GLT8D2: variants seen among roughly 807,000 people sequenced by gnomAD.
The protein encoded by GLT8D2 is glycosyltransferase 8 domain-containing protein 2.
GLT8D2 carries 45 observed loss-of-function variants against 44.5 expected under a neutral mutation model. That is an observed-to-expected ratio of 1.01 (90% confidence interval 0.80 to 1.30). The LOEUF (loss-of-function observed/expected upper bound fraction) is 1.30, where lower values mean the gene tolerates loss of function less well. GLT8D2 is among the 50% of genes most tolerant of loss of function. The pLI, the probability that GLT8D2 is intolerant of heterozygous loss-of-function variation, is 0.00. For synonymous variants in GLT8D2, 156 were observed against 157.2 expected, an observed-to-expected ratio of 0.99 and a Z score of 0.06; for missense variants, 400 against 430.4, an observed-to-expected ratio of 0.93 and a Z score of 0.62.
intron 2 of GLT8D2, among the ~76,000 whole-genome samples, chr12:104,020,027 T>C (rs2629799): frequency 0.36 from 54,853 of 151,840 alleles, 10,370 homozygotes; most frequent in African/African-American, 0.46. Flanking sequence ...TCAAGCGATC[T>C]TCCTTCCTCA....
chr12:104,026,097 G>A (rs1015259665), intron 1 of GLT8D2, among the ~76,000 whole-genome samples: 1 of 151,946 alleles, frequency 6.6e-6, no homozygotes, highest in Non-Finnish European at 1.5e-5. Context: ...TGGACAATAT[G>A]GTGAAACCCC....
At chr12:104,013,469 T>C (rs184219658) in intron 4 of GLT8D2, among the ~76,000 whole-genome samples, 3 of 152,328 alleles carry the variant, frequency 2.0e-5, no homozygotes, top group African/African-American at 7.2e-5. Context: ...TACATGTGAA[T>C]TGTTTCCAGT....
chr12:103,995,768 T>C (rs903936746), intron 8 of GLT8D2, among the ~76,000 whole-genome samples: 9 of 152,224 alleles, frequency 5.9e-5, no homozygotes, highest in Non-Finnish European at 7.3e-5. Context: ...TAGACTGTTA[T>C]CATCTATAAT....
intron 1 of GLT8D2, among the ~76,000 whole-genome samples, chr12:104,021,930 GAAGAAGAAGAAGAAGA>G (rs1877790238): frequency 4.1e-5 from 1 of 24,684 alleles, no homozygotes; most frequent in African/African-American, 1.5e-4. Flanking sequence ...AGAAGAAGAA[GAAGAAGAAGAAGAAGA>G]AGAAGAAGAG....
intron 3 of GLT8D2, among the ~76,000 whole-genome samples, chr12:104,019,405 G>T (rs1279349351): frequency 1.3e-5 from 2 of 152,112 alleles, no homozygotes; most frequent in East Asian, 3.9e-4. Flanking sequence ...TAGGATTACA[G>T]GCGTGAGCCA....
At chr12:104,059,527 T>C (rs1452274053) in intron 1 of GLT8D2, among the ~76,000 whole-genome samples, 1 of 152,198 alleles carries the variant, frequency 6.6e-6, no homozygotes, top group Admixed American at 6.5e-5. Context: ...TATATTACTT[T>C]TGCTTACAAC....
At chr12:104,062,885 T>G (rs895000569) in intron 1 of GLT8D2, among the ~76,000 whole-genome samples, 15 of 152,206 alleles carry the variant, frequency 9.9e-5, no homozygotes, top group Non-Finnish European at 2.2e-4. Context: ...CAACCAGTCC[T>G]CGGCCTGTTC....
At chr12:104,062,105 T>C (rs1882704539) in intron 1 of GLT8D2, among the ~76,000 whole-genome samples, 1 of 151,926 alleles carries the variant, frequency 6.6e-6, no homozygotes, top group African/African-American at 2.4e-5. Flanking sequence ...CTGAGTTTTG[T>C]TCTTGTTGCC....
chr12:104,043,775 G>T (rs1012727389), intron 1 of GLT8D2, among the ~76,000 whole-genome samples: 1 of 152,116 alleles, frequency 6.6e-6, no homozygotes, highest in African/African-American at 2.4e-5. Context: ...CTGTGACTCC[G>T]TTTTTTAAAT....
At chr12:104,021,842 GAAGGA>G (rs1877686842) in intron 1 of GLT8D2, among the ~76,000 whole-genome samples, 1 of 72,122 alleles carries the variant, frequency 1.4e-5, no homozygotes, top group African/African-American at 5.2e-5. Flanking sequence ...AGAAAGGAAG[GAAGGA>G]GAAGGAGAAG....
At chr12:104,016,754 A>AGAAG (rs1566199514) in intron 3 of GLT8D2, among the ~76,000 whole-genome samples, 3 of 109,066 alleles carry the variant, frequency 2.8e-5, no homozygotes, top group Non-Finnish European at 5.9e-5. Flanking sequence ...AAAGAAAGAA[A>AGAAG]GAAAGAAAGA....
At chr12:103,991,558 T>C (rs796386191) in intron 10 of GLT8D2, among the ~76,000 whole-genome samples, 37 of 152,268 alleles carry the variant, frequency 2.4e-4, no homozygotes, top group African/African-American at 8.4e-4. Flanking sequence ...ACCTTATTGA[T>C]CTAAGCTCTG....
intron 1 of GLT8D2, among the ~76,000 whole-genome samples, chr12:104,036,805 A>C (rs1593564014): frequency 6.6e-6 from 1 of 152,366 alleles, no homozygotes; most frequent in East Asian, 1.9e-4. Flanking sequence ...CTCTGCACCA[A>C]GTGGACCTCA....
At chr12:104,049,711 C>A (rs1284218553) in intron 1 of GLT8D2, among the ~76,000 whole-genome samples, 184 bp downstream of exon 1, 1 of 152,142 alleles carries the variant, frequency 6.6e-6, no homozygotes, top group African/African-American at 2.4e-5. Flanking sequence ...CTGGAAATGG[C>A]CGAAAAGGGT....
intron 10 of GLT8D2, among the ~76,000 whole-genome samples, chr12:103,991,270 T>A (rs1872713226): frequency 6.6e-6 from 1 of 152,202 alleles, no homozygotes; most frequent in Non-Finnish European, 1.5e-5. Flanking sequence ...CAGTTCAATC[T>A]CTGCCTCCCA....
chr12:104,032,955 C>T (rs1344483794), intron 1 of GLT8D2, among the ~76,000 whole-genome samples: 1 of 151,444 alleles, frequency 6.6e-6, no homozygotes, highest in African/African-American at 2.4e-5. Flanking sequence ...TCTTGGCTCA[C>T]TGCAACCTCC....
At position 104,031,470 on chromosome 12, in the gene GLT8D2, A is replaced by C. The variant is rs1879248852; in HGVS notation, c.-163-9979T>G. 8 of 1,613,188 alleles carry C rather than the reference A, an allele frequency of 5.0e-6. No individual in the cohort carries two copies. In the Admixed American group the frequency reaches 5.0e-5, roughly 10 times the overall value. On this transcript the variant is annotated intron_variant, in intron 1 of 10. Transcript: ENST00000360814. ...AACTTGAAGCCTATCAAGCCCATGCAGTTTCTGGGGGATGAGGAGACGGTG... is the reference window on the plus strand; with the variant it reads ...AACTTGAAGCCTATCAAGCCCATGCCGTTTCTGGGGGATGAGGAGACGGTG...
At chr12:104,058,472 GGGTGTGAAGCCA>G (rs1882370471) in intron 1 of GLT8D2, among the ~76,000 whole-genome samples, 1 of 152,128 alleles carries the variant, frequency 6.6e-6, no homozygotes, top group Non-Finnish European at 1.5e-5. Flanking sequence ...TTCCATTGGG[GGGTGTGAAGCCA>G]GATTGCTTCC....
At chr12:104,028,227 G>T (rs942873033) in intron 1 of GLT8D2, among the ~76,000 whole-genome samples, 3 of 152,142 alleles carry the variant, frequency 2.0e-5, no homozygotes, top group Non-Finnish European at 4.4e-5. Context: ...TGGCAGGAGT[G>T]GTGTCCTTGA....
Sources: gnomAD v4.1 joint callset for allele counts (sites outside exome capture counted in the v4.1 genomes callset) on GRCh38, gnomAD v4.1.1 for gene constraint, MANE v1.5 for transcripts, NCBI Gene and HGNC (gene_info 2026-07-23, HGNC 2026-07-21) for gene names.